The following DIAPH3 variants were observed in gnomAD, a reference collection of about 807,000 sequenced individuals.
DIAPH3 encodes the protein protein diaphanous homolog 3.
A neutral mutation model predicts 144.3 loss-of-function variants in DIAPH3; 117 were observed. That is an observed-to-expected ratio of 0.81 (90% CI 0.70 to 0.95). The LOEUF is 0.95. Among genes scored for constraint, DIAPH3 ranks in the 40% least tolerant of loss-of-function variants. The pLI is 0.00. For missense variants in DIAPH3, 1,421 were observed against 1,412.7 expected (o/e 1.01, Z -0.09); for synonymous variants, 519 against 488.9 (o/e 1.06, Z -0.81).
chr13:59,988,114 C>T (rs1032322728), intron 12 of DIAPH3, among the ~76,000 whole-genome samples: 2 of 151,840 alleles, frequency 1.3e-5, no homozygotes, highest in African/African-American at 4.8e-5. Flanking sequence ...AAATCCACTA[C>T]AGCTTAACAC....
chr13:59,903,081 T>G (rs1163944222), intron 20 of DIAPH3, among the ~76,000 whole-genome samples: 2 of 152,072 alleles, frequency 1.3e-5, no homozygotes, highest in African/African-American at 4.8e-5. Context: ...CTGACACAAC[T>G]TATGTAATTG....
At chr13:60,093,065 A>G (rs2058002284) in intron 4 of DIAPH3, among the ~76,000 whole-genome samples, 1 of 152,216 alleles carries the variant, frequency 6.6e-6, no homozygotes, top group Admixed American at 6.5e-5. Flanking sequence ...AATAAATGCA[A>G]TTGATTCTGT....
Position 59,976,486 on chromosome 13 carries a change from T to A in DIAPH3, c.1546-2030A>T, listed in dbSNP as rs188896934. On this transcript the variant is annotated intron_variant, in intron 14 of 27. Transcript: ENST00000400324. ...GACTACCATGCAGAACAATATAGAT[T>A]ATAAAACATTTCCACCATCCCATAT... 2.1e-3 allele frequency among the ~76,000 whole-genome samples: 320 copies of A among 152,070 alleles called. 2 individuals are homozygous for A. Among genetic ancestry groups the A allele is most frequent in the African/African-American group, 7.3e-3 (303 of 41,528 alleles).
intron 27 of DIAPH3, among the ~76,000 whole-genome samples, chr13:59,688,044 C>T (rs559680246): frequency 6.8e-4 from 103 of 152,016 alleles, no homozygotes; most frequent in Admixed American, 9.2e-4. Flanking sequence ...AAAATCAATA[C>T]CAAAGATTTT....
chr13:59,926,182 C>G (rs928962263), intron 17 of DIAPH3, among the ~76,000 whole-genome samples: 1 of 151,546 alleles, frequency 6.6e-6, no homozygotes, highest in African/African-American at 2.4e-5. Context: ...GAGACAGAGC[C>G]CCACTATATT....
intron 21 of DIAPH3, among the ~76,000 whole-genome samples, chr13:59,867,406 T>C (rs916898640): frequency 6.6e-5 from 10 of 151,998 alleles, no homozygotes; most frequent in Non-Finnish European, 2.9e-5. Flanking sequence ...TAGAAACCAA[T>C]TGATATTATA....
chr13:59,948,883 AG>A (rs2048946006), intron 17 of DIAPH3, among the ~76,000 whole-genome samples: 3 of 151,508 alleles, frequency 2.0e-5, no homozygotes, highest in Non-Finnish European at 4.4e-5. Context: ...GAAGGAAGGA[AG>A]GAAGGAAGGA....
chr13:59,685,636 G>A (rs981866512), intron 27 of DIAPH3, among the ~76,000 whole-genome samples: 6 of 152,094 alleles, frequency 3.9e-5, no homozygotes, highest in African/African-American at 1.4e-4. Flanking sequence ...GTTTCAAGGG[G>A]TACTCTGTCA....
rs1224547180 is a variant in DIAPH3, at chr13:59,810,935, T to G, written c.3028-12A>C. 19 of 1,557,034 alleles carry G rather than the reference T, an allele frequency of 1.2e-5. No individual in the cohort carries two copies. Among genetic ancestry groups the G allele is most frequent in the Non-Finnish European group, 1.6e-5 (18 of 1,141,906 alleles). ...TCCTTTATTGCTTGCTAAAAAAATT[T>G]TGAAAAATGATCAATTTTAACCAGT... is the stretch of plus-strand genomic sequence containing the variant. On this transcript the variant is annotated splice_polypyrimidine_tract_variant and intron_variant, in intron 24 of 27. Transcript: ENST00000400324.
chr13:59,926,994 T>C (rs1469675430), intron 17 of DIAPH3, among the ~76,000 whole-genome samples: 1 of 152,178 alleles, frequency 6.6e-6, no homozygotes, highest in Non-Finnish European at 1.5e-5. Flanking sequence ...TTTAAAAATC[T>C]GGGTGTTCTG....
chr13:59,741,712 AAAAG>A lies in DIAPH3; in HGVS notation c.3319+32473_3319+32476del, dbSNP rs1210534010. 2.6e-5 allele frequency among the ~76,000 whole-genome samples: 4 copies of A among 151,956 alleles called. No homozygotes were observed. The East Asian group carries it at 7.7e-4, about 29-fold the overall frequency. ...AGCCTGGGCAACAAAGCAAAAAAAAAAAAGAAAGAAAGAAAAGAGAAAAAAGAGG... is the reference window on the plus strand; with the variant it reads ...AGCCTGGGCAACAAAGCAAAAAAAAAAAAGAAAGAAAAGAGAAAAAAGAGG... On this transcript the variant is annotated intron_variant, in intron 27 of 27. Transcript: ENST00000400324.
At chr13:59,963,288 C>T (rs1189979767) in intron 17 of DIAPH3, among the ~76,000 whole-genome samples, 2 of 152,160 alleles carry the variant, frequency 1.3e-5, no homozygotes, top group South Asian at 2.1e-4. Flanking sequence ...CTTATCTAAA[C>T]ACATGAATGC....
chr13:60,089,318 A>C (rs560610977), intron 4 of DIAPH3, among the ~76,000 whole-genome samples: 107 of 152,326 alleles, frequency 7.0e-4, no homozygotes, highest in South Asian at 5.8e-3. Flanking sequence ...ATCATCTTTT[A>C]ACAGTATCTG....
At chr13:59,698,534 T>C (rs530230910) in intron 27 of DIAPH3, among the ~76,000 whole-genome samples, 2 of 152,266 alleles carry the variant, frequency 1.3e-5, no homozygotes, top group African/African-American at 4.8e-5. Context: ...AAAATCCTAT[T>C]TAACAATACT....
rs139281085 is a variant in DIAPH3, at chr13:59,949,797, C to T, written c.2074+20147G>A. On this transcript the variant is annotated intron_variant, in intron 17 of 27. Transcript: ENST00000400324. ...GCAGATAACAATAAAACCTATTTAT[C>T]TTTAGCCTAAAATCTACAGACACCA... is the stretch of plus-strand genomic sequence containing the variant. 2.1e-3 allele frequency among the ~76,000 whole-genome samples: 320 copies of T among 152,284 alleles called. 4 individuals are homozygous for T. Among genetic ancestry groups the T allele is most frequent in the Middle Eastern group, 0.014 (4 of 294 alleles).
At chr13:59,926,752 T>C (rs927216287) in intron 17 of DIAPH3, among the ~76,000 whole-genome samples, 1 of 152,194 alleles carries the variant, frequency 6.6e-6, no homozygotes. Context: ...GCCTAACATA[T>C]GGTCTATTCT....
chr13:59,930,492 T>C (rs559746504), intron 17 of DIAPH3, among the ~76,000 whole-genome samples: 38 of 152,096 alleles, frequency 2.5e-4, no homozygotes, highest in Non-Finnish European at 3.8e-4. Context: ...TGGGGGTATG[T>C]GGGAAAGACA....
chr13:59,699,024 G>A (rs146152636), intron 27 of DIAPH3, among the ~76,000 whole-genome samples: 95 of 152,302 alleles, frequency 6.2e-4, no homozygotes, highest in African/African-American at 2.2e-3. Context: ...TCTAATATGG[G>A]TCAAGCTCTG....
In DIAPH3 at chr13:59,869,572, C is replaced by G. The variant is rs192829889; in HGVS notation, c.2608-8036G>C. ...CTCTAAAAAATTCTCTTTGTTTCGA[C>G]TTTTTGTTGTTGACGATTAAGGATG... On this transcript the variant is annotated intron_variant, in intron 21 of 27. Transcript: ENST00000400324. 2.0e-5 allele frequency among the ~76,000 whole-genome samples: 3 copies of G among 152,226 alleles called. 1 individual carries two copies. Among genetic ancestry groups the G allele is most frequent in the Admixed American group, 2.0e-4 (3 of 15,272 alleles).
Sources: allele counts gnomAD v4.1 joint callset (sites outside exome capture counted in the v4.1 genomes callset), GRCh38; gene constraint gnomAD v4.1.1; transcripts MANE v1.5; gene names NCBI Gene and HGNC (gene_info 2026-07-23, HGNC 2026-07-21).